THRA: variants seen among roughly 807,000 people sequenced by gnomAD.
THRA encodes the protein EAR-7.
A neutral mutation model predicts 45.0 loss-of-function variants in THRA; 13 were observed. That is an observed-to-expected ratio of 0.29 (90% CI 0.19 to 0.46). The LOEUF is 0.46. Among genes scored for constraint, THRA ranks in the 20% least tolerant of loss-of-function variants. The probability of loss-of-function intolerance (pLI) is 1.00; values close to 1 mark genes in which losing one functional copy is unlikely to be tolerated. For synonymous variants in THRA, 195 were observed against 214.0 expected (o/e 0.91, Z 0.78); for missense variants, 278 against 556.1 (o/e 0.50, Z 5.03).
chr17:40,079,928 G>A (rs1422750954), intron 4 of THRA, among the ~76,000 whole-genome samples: 1 of 152,082 alleles, frequency 6.6e-6, no homozygotes, highest in Non-Finnish European at 1.5e-5. Context: ...TTGGCCAGGT[G>A]TAGTGATGTA....
chr17:40,074,657 G>T (rs182451651), intron 2 of THRA, 116 bp downstream of exon 2: 7 of 1,103,510 alleles, frequency 6.3e-6, no homozygotes, highest in Middle Eastern at 2.0e-4. Flanking sequence ...CGTGAGGCCA[G>T]CAAGCCTTCT....
At chr17:40,069,562 C>T (rs1251969742) in intron 1 of THRA, among the ~76,000 whole-genome samples, 1 of 152,040 alleles carries the variant, frequency 6.6e-6, no homozygotes, top group Non-Finnish European at 1.5e-5. Flanking sequence ...TTCAGCTGCC[C>T]CAGCTCCCAG....
At chr17:40,086,366 A>T (rs538565101) in intron 6 of THRA, among the ~76,000 whole-genome samples, 3 of 152,304 alleles carry the variant, frequency 2.0e-5, no homozygotes, top group Admixed American at 2.0e-4. Context: ...CTCAGTTTCC[A>T]CATCTGTGAA....
chr17:40,082,951 G>A (rs1167399527), intron 4 of THRA, among the ~76,000 whole-genome samples: 11 of 141,216 alleles, frequency 7.8e-5, no homozygotes, highest in Non-Finnish European at 1.2e-4. Context: ...TTTTTTATAC[G>A]GAGTCTTGCT....
intron 6 of THRA, 72 bp downstream of exon 6, chr17:40,084,887 C>A: frequency 6.5e-7 from 1 of 1,548,064 alleles, no homozygotes; most frequent in Non-Finnish European, 8.8e-7. Context: ...CGGAGTCTTG[C>A]CTCCTCCAGG....
chr17:40,083,758 C>G (rs1987227168), intron 4 of THRA, 77 bp from the exon 5 acceptor site: 11 of 1,504,516 alleles, frequency 7.3e-6, no homozygotes, highest in Non-Finnish European at 9.8e-6. Context: ...ACCCCTGACC[C>G]CTAGTAAACT....
At chr17:40,071,323 C>T (rs1986767074) in intron 1 of THRA, among the ~76,000 whole-genome samples, 1 of 152,230 alleles carries the variant, frequency 6.6e-6, no homozygotes, top group Non-Finnish European at 1.5e-5. Context: ...CCCCAGGAGT[C>T]CTTTGGGGGT....
intron 7 of THRA, among the ~76,000 whole-genome samples, chr17:40,087,325 A>ACC (rs201836382): frequency 1.7e-3 from 259 of 148,552 alleles, no homozygotes; most frequent in African/African-American, 6.1e-3. Flanking sequence ...ACACACACAC[A>ACC]GACATATACA....
chr17:40,082,911 G>A (rs1313981917), intron 4 of THRA, among the ~76,000 whole-genome samples: 9 of 147,732 alleles, frequency 6.1e-5, no homozygotes, highest in South Asian at 2.2e-4. Context: ...GATTACAGGC[G>A]CCCACCACCA....
intron 5 of THRA, 85 bp downstream of exon 5, chr17:40,084,067 C>G (rs772725702): frequency 1.7e-4 from 246 of 1,483,492 alleles, no homozygotes; most frequent in Middle Eastern, 2.3e-4. Flanking sequence ...CCAGGGTACC[C>G]TCAGAGCCCA....
intron 4 of THRA, among the ~76,000 whole-genome samples, chr17:40,080,433 A>G (rs560281594): frequency 6.6e-6 from 1 of 152,016 alleles, no homozygotes; most frequent in Admixed American, 6.6e-5. Flanking sequence ...AAAAAAAAAA[A>G]CGGAAAAAAA....
chr17:40,070,141 C>T (rs1262884267), intron 1 of THRA, among the ~76,000 whole-genome samples: 1 of 151,992 alleles, frequency 6.6e-6, no homozygotes, highest in Non-Finnish European at 1.5e-5. Context: ...GAGTCACTGC[C>T]CCCCAGCTCC....
chr17:40,085,804 C>T (rs879374173), intron 6 of THRA, among the ~76,000 whole-genome samples: 14 of 152,216 alleles, frequency 9.2e-5, no homozygotes, highest in South Asian at 2.1e-4. Flanking sequence ...CCACCACGCC[C>T]GGCTAATTTT....
intron 7 of THRA, 170 bp downstream of exon 7, chr17:40,087,023 C>T: frequency 1.2e-6 from 1 of 843,288 alleles, no homozygotes; most frequent in Non-Finnish European, 1.8e-6. Flanking sequence ...TACACATACA[C>T]CCAGCACACA....
intron 2 of THRA, 42 bp downstream of exon 2, chr17:40,074,583 C>T: frequency 1.2e-6 from 2 of 1,607,474 alleles, no homozygotes; most frequent in Non-Finnish European, 1.7e-6. Context: ...TCCTAAGCAG[C>T]AGGCATGGGC....
intron 1 of THRA, among the ~76,000 whole-genome samples, chr17:40,069,762 C>T (rs1986707884): frequency 6.6e-6 from 1 of 151,880 alleles, no homozygotes; most frequent in South Asian, 2.1e-4. Context: ...TGGGTGTGGG[C>T]ATGACCACCC....
intron 1 of THRA, among the ~76,000 whole-genome samples, chr17:40,071,148 G>A (rs1398618609): frequency 2.6e-5 from 4 of 151,674 alleles, no homozygotes; most frequent in African/African-American, 7.3e-5. Flanking sequence ...CCGCATGTAC[G>A]TGTCCCTGTG....
rs1987562120 is a variant in THRA, at chr17:40,091,738, C to G, written c.*2282C>G. 1 of 152,358 alleles carries G rather than the reference C, an allele frequency of 6.6e-6. No individual in the cohort carries two copies. The highest frequency in any genetic ancestry group is 1.5e-5 in the Non-Finnish European group (1 of 68,176). 9.4% of individuals were successfully genotyped at this position (152,358 alleles called of 1,614,324 possible). A position where few individuals can be genotyped will look rare whatever the true frequency, so the allele number is the denominator to read the frequency against. On this transcript the variant is annotated 3_prime_UTR_variant, in exon 9 of 9. Transcript: ENST00000450525. Reference sequence around the variant, plus strand: ...CCATCCTCCCCGGACCCCTCCCTTCCCCCTCGGTGATGTGGGGTGTATGTG... The same window carrying G: ...CCATCCTCCCCGGACCCCTCCCTTCGCCCTCGGTGATGTGGGGTGTATGTG...
Position 40,089,171 on chromosome 17 carries a change from A to C in THRA, c.983-35A>C, listed in dbSNP as rs763708385. ...CCTCCCCATCTCCAGGCCTTCGGCC[A>C]GCCCCTCGCCCCTCACGCCCCTCTT... On this transcript the variant is annotated intron_variant, in intron 8 of 8. Coordinates refer to ENST00000450525, the MANE Select transcript of THRA (RefSeq NM_199334.5). This position sits in a 1 kb window ranked among gnomAD's most constrained non-coding sequence, Gnocchi z 6.1. 1.1e-5 allele frequency: 17 copies of C among 1,602,402 alleles called. No individual in the cohort carries two copies. The highest frequency in any genetic ancestry group is 1.4e-5 in the Non-Finnish European group (17 of 1,173,258).
Sources: allele counts gnomAD v4.1 joint callset (sites outside exome capture counted in the v4.1 genomes callset), GRCh38; gene constraint gnomAD v4.1.1; non-coding constraint Gnocchi (gnomAD v3.1); transcripts MANE v1.5; gene names NCBI Gene and HGNC (gene_info 2026-07-23, HGNC 2026-07-21).